B3GAT2: variants seen among roughly 807,000 people sequenced by gnomAD.
The protein encoded by B3GAT2 is beta-1,3-glucuronyltransferase 2, also known as galactosylgalactosylxylosylprotein 3-beta-glucuronosyltransferase 2.
Under a neutral mutation model 27.8 loss-of-function variants are expected in B3GAT2, and 26 were observed. The ratio of observed to expected loss-of-function variants is 0.93; its 90% CI spans 0.68 to 1.30. The LOEUF (loss-of-function observed/expected upper bound fraction) is 1.30, where lower values mean the gene tolerates loss of function less well. Ranked by LOEUF, B3GAT2 falls within the 50% of genes most tolerant of loss-of-function variation. The pLI is 0.00. For missense variants in B3GAT2, 458 were observed against 459.0 expected (o/e 1.00, Z 0.02); for synonymous variants, 218 against 195.1 (o/e 1.12, Z -0.98).
chr6:70,943,606 T>C (rs1309372521), intron 1 of B3GAT2, among the ~76,000 whole-genome samples: 1 of 152,224 alleles, frequency 6.6e-6, no homozygotes, highest in Non-Finnish European at 1.5e-5. Context: ...AAAAACTTAA[T>C]TTTAATATCT....
chr6:70,858,162 A>G lies in B3GAT2; in HGVS notation c.*3501T>C, dbSNP rs1444532218. 1.9e-6 allele frequency: 3 copies of G among 1,614,042 alleles called. No homozygotes were observed. In the East Asian group the frequency reaches 6.7e-5, roughly 36 times the overall value. ...GGCCCCCAAGGAGGAATGGTGGGACAAATGGGTGCACCCCAGAGTAAGTTT... is the reference window on the plus strand; with the variant it reads ...GGCCCCCAAGGAGGAATGGTGGGACGAATGGGTGCACCCCAGAGTAAGTTT... On this transcript the variant is annotated 3_prime_UTR_variant, in exon 4 of 4. Coordinates refer to ENST00000230053, the MANE Select transcript of B3GAT2 (RefSeq NM_080742.3).
chr6:70,904,035 T>C (rs959151461), intron 1 of B3GAT2, among the ~76,000 whole-genome samples: 2 of 152,150 alleles, frequency 1.3e-5, no homozygotes, highest in African/African-American at 2.4e-5. Context: ...AAAACATACA[T>C]ACAATGGACT....
At chr6:70,884,064 C>T (rs919997110) in intron 2 of B3GAT2, among the ~76,000 whole-genome samples, 63 of 146,004 alleles carry the variant, frequency 4.3e-4, no homozygotes, top group Non-Finnish European at 1.5e-5. Flanking sequence ...CTCTCTTACT[C>T]CTGGGTGCAC....
chr6:70,954,325 C>T (rs1765617053), intron 1 of B3GAT2, among the ~76,000 whole-genome samples: 1 of 152,218 alleles, frequency 6.6e-6, no homozygotes, highest in Middle Eastern at 3.4e-3. Flanking sequence ...TATACAATGC[C>T]AAGCTTATTT....
Position 70,856,729 on chromosome 6 carries a change from A to G in B3GAT2, c.*4934T>C. 3.4e-6 allele frequency: 3 copies of G among 876,328 alleles called. No homozygotes were observed. Among genetic ancestry groups the G allele is most frequent in the Non-Finnish European group, 5.1e-6 (3 of 592,916 alleles). The allele number at this position is 876,328 out of a possible 1,614,324, so 54.3% of individuals were successfully genotyped here. On this transcript the variant is annotated 3_prime_UTR_variant, in exon 4 of 4. Coordinates refer to ENST00000230053, the MANE Select transcript of B3GAT2 (RefSeq NM_080742.3). ...TTGGGCTTGTAAGTGATCCTCTTGA[A>G]TGGCACCATTTTACCTTCTACAATT...
intron 2 of B3GAT2, among the ~76,000 whole-genome samples, chr6:70,872,398 T>A (rs1771951543): frequency 2.0e-5 from 3 of 151,966 alleles, no homozygotes; most frequent in Non-Finnish European, 4.4e-5. Flanking sequence ...TATAGTTATA[T>A]CTTCTTGACA....
chr6:70,856,680 G>A lies in B3GAT2; in HGVS notation c.*4983C>T. 1.9e-6 allele frequency: 1 copy of A among 516,080 alleles called. No individual in the cohort carries two copies. Among genetic ancestry groups the A allele is most frequent in the East Asian group, 3.0e-5 (1 of 33,246 alleles). 32.0% of individuals were successfully genotyped at this position (516,080 alleles called of 1,614,324 possible). ...GATTCAAATTAAGAAGTACTGTCTT[G>A]ATTGTAGATGTTTTTATATGGGCTT... On this transcript the variant is annotated 3_prime_UTR_variant, in exon 4 of 4. Transcript: ENST00000230053.
At chr6:70,862,273 GATC>G (rs1771768628) in intron 2 of B3GAT2, among the ~76,000 whole-genome samples, 1 of 152,250 alleles carries the variant, frequency 6.6e-6, no homozygotes, top group East Asian at 1.9e-4. Flanking sequence ...GTTTCACAGT[GATC>G]ATCAACCCCC....
intron 2 of B3GAT2, among the ~76,000 whole-genome samples, chr6:70,891,503 T>C (rs1200270157): frequency 3.3e-5 from 5 of 152,180 alleles, no homozygotes; most frequent in Non-Finnish European, 4.4e-5. Context: ...TAGAATGACA[T>C]GAAACATCGC....
rs1036609549 is a variant in B3GAT2, at chr6:70,860,630, T to C, written c.*1033A>G. On this transcript the variant is annotated 3_prime_UTR_variant, in exon 4 of 4. Transcript: ENST00000230053. ...ATCAGTTTTCCTCTCAATAAAATTA[T>C]AGCTCTAATGTTTGCATATAAGGGA... The C allele has an allele frequency of 4.6e-6, 2 of 434,134 alleles. No homozygotes were observed. Among genetic ancestry groups the C allele is most frequent in the Admixed American group, 4.0e-5 (1 of 25,220 alleles). The allele number at this position is 434,134 out of a possible 1,614,324, so 26.9% of individuals were successfully genotyped here. A position where few individuals can be genotyped will look rare whatever the true frequency, so the allele number is the denominator to read the frequency against.
chr6:70,907,211 G>T (rs1372890870), intron 1 of B3GAT2, among the ~76,000 whole-genome samples: 3 of 152,182 alleles, frequency 2.0e-5, no homozygotes, highest in African/African-American at 7.2e-5. Flanking sequence ...AGTTGTCAGT[G>T]ATTAGTTTGG....
chr6:70,948,744 A>G (rs1347405400), intron 1 of B3GAT2, among the ~76,000 whole-genome samples: 1 of 152,212 alleles, frequency 6.6e-6, no homozygotes, highest in Non-Finnish European at 1.5e-5. Context: ...TAAAGTTCAT[A>G]TGGAACCAAA....
At chr6:70,949,974 T>A (rs898825023) in intron 1 of B3GAT2, among the ~76,000 whole-genome samples, 3 of 151,018 alleles carry the variant, frequency 2.0e-5, no homozygotes, top group Non-Finnish European at 4.4e-5. Flanking sequence ...AAACACCACA[T>A]GTTCTCACTC....
intron 1 of B3GAT2, among the ~76,000 whole-genome samples, chr6:70,917,766 T>C (rs1772798580): frequency 6.6e-6 from 1 of 152,208 alleles, no homozygotes; most frequent in African/African-American, 2.4e-5. Flanking sequence ...GAGAGACAGT[T>C]TGATGTAATT....
chr6:70,910,364 C>G (rs557674859), intron 1 of B3GAT2, among the ~76,000 whole-genome samples: 1 of 152,248 alleles, frequency 6.6e-6, no homozygotes, highest in East Asian at 1.9e-4. Context: ...CCATTATTCC[C>G]TTCTTTGTAT....
rs540251528 is a variant in B3GAT2 at position 70,891,635 on chromosome 6, C to A, written c.736+2493G>T. 1.2e-4 allele frequency among the ~76,000 whole-genome samples: 18 copies of A among 152,254 alleles called. No individual in the cohort carries two copies. In the East Asian group the frequency reaches 1.4e-3, roughly 11 times the overall value. ...GAATGTGCTCAAACCCACAAATGTT[C>A]CATTTGGGCTCTTAATCCGCTTTGC... On this transcript the variant is annotated intron_variant, in intron 2 of 3. Coordinates refer to ENST00000230053, the MANE Select transcript of B3GAT2 (RefSeq NM_080742.3).
At chr6:70,904,517 G>A (rs990706770) in intron 1 of B3GAT2, among the ~76,000 whole-genome samples, 2 of 152,142 alleles carry the variant, frequency 1.3e-5, no homozygotes, top group African/African-American at 4.8e-5. Flanking sequence ...CCTTGGAGAA[G>A]AGGCTGATTT....
chr6:70,927,784 G>A (rs1348399096), intron 1 of B3GAT2, among the ~76,000 whole-genome samples: 1 of 152,180 alleles, frequency 6.6e-6, no homozygotes, highest in African/African-American at 2.4e-5. Context: ...CAATGAGACA[G>A]AAGGTTAACA....
chr6:70,892,814 T>C (rs1297676930), intron 2 of B3GAT2, among the ~76,000 whole-genome samples: 1 of 152,236 alleles, frequency 6.6e-6, no homozygotes, highest in Non-Finnish European at 1.5e-5. Flanking sequence ...TTCAGGGCCA[T>C]GCACTCTGAG....
Sources: gnomAD v4.1 joint callset for allele counts (sites outside exome capture counted in the v4.1 genomes callset) on GRCh38, gnomAD v4.1.1 for gene constraint, MANE v1.5 for transcripts, NCBI Gene and HGNC (gene_info 2026-07-23, HGNC 2026-07-21) for gene names.